Variants in ANO10 observed in about 807,000 individuals in gnomAD.
The protein encoded by ANO10 is anoctamin-10.
In ANO10, 77 loss-of-function variants were observed where a neutral mutation model predicts 74.7. That is an observed-to-expected ratio of 1.03 (90% CI 0.86 to 1.25). ANO10 has a LOEUF of 1.25. Among genes scored for constraint, ANO10 ranks in the 50% most tolerant of loss-of-function variants. ANO10 has a pLI of 0.00. For missense variants in ANO10, 721 were observed against 778.1 expected (o/e 0.93, Z 0.87); for synonymous variants, 279 against 284.9 (o/e 0.98, Z 0.21).
At chr3:43,643,678 C>CTTTTTTTTTTTTTTTTT (rs1310556861) in intron 1 of ANO10, among the ~76,000 whole-genome samples, 7 of 133,620 alleles carry the variant, frequency 5.2e-5, no homozygotes, top group African/African-American at 2.2e-4. Flanking sequence ...TTGTCCTCAT[C>CTTTTTTTTTTTTTTTTT]TTTTCTTTTT....
intron 1 of ANO10, among the ~76,000 whole-genome samples, chr3:43,630,663 A>C (rs1231460023): frequency 1.3e-5 from 2 of 152,222 alleles, no homozygotes; most frequent in African/African-American, 2.4e-5. Context: ...CCCAGAGCAC[A>C]AGTAACTCAT....
intron 1 of ANO10, among the ~76,000 whole-genome samples, chr3:43,631,154 G>A (rs2083543689): frequency 6.6e-6 from 1 of 152,210 alleles, no homozygotes; most frequent in Non-Finnish European, 1.5e-5. Context: ...GCAAATAAAT[G>A]AATTGTCTGC....
rs909432741 is a variant in ANO10 at position 43,659,136 on chromosome 3, T to C, written c.-12+32381A>G. 2.6e-5 allele frequency among the ~76,000 whole-genome samples: 4 copies of C among 152,000 alleles called. No homozygotes were observed. In the South Asian group the frequency reaches 8.4e-4, roughly 32 times the overall value. ...CTCTGGTCTACAGCTCCCAGCGAGATGGGATGCAAAAGACAGGTGATTTCT... is the reference window on the plus strand; with the variant it reads ...CTCTGGTCTACAGCTCCCAGCGAGACGGGATGCAAAAGACAGGTGATTTCT... On this transcript the variant is annotated intron_variant, in intron 1 of 3. Coordinates refer to the ANO10 transcript ENST00000413397.
intron 11 of ANO10, among the ~76,000 whole-genome samples, chr3:43,436,392 C>T (rs909368105): frequency 6.6e-6 from 1 of 152,020 alleles, no homozygotes; most frequent in Non-Finnish European, 1.5e-5. Flanking sequence ...ATTTTATGCA[C>T]CAGAATTGTG....
intron 11 of ANO10, among the ~76,000 whole-genome samples, chr3:43,517,969 C>T (rs919265690): frequency 2.0e-5 from 3 of 152,130 alleles, no homozygotes; most frequent in Non-Finnish European, 4.4e-5. Context: ...ACACTTTGTC[C>T]AGCACCAGTT....
chr3:43,519,289 C>G (rs571401842), intron 11 of ANO10, among the ~76,000 whole-genome samples: 3 of 152,186 alleles, frequency 2.0e-5, no homozygotes, highest in Non-Finnish European at 4.4e-5. Flanking sequence ...TTCCCTTTAG[C>G]TCTTCCATCA....
intron 11 of ANO10, among the ~76,000 whole-genome samples, chr3:43,462,469 A>G (rs6806339): frequency 0.26 from 39,799 of 151,914 alleles, 5,543 homozygotes; most frequent in Middle Eastern, 0.37. Context: ...GACCTCAGGT[A>G]ATCCACCCAC....
At chr3:43,424,502 G>A (rs1327533257) in intron 12 of ANO10, 1 of 152,154 alleles carries the variant, frequency 6.6e-6, no homozygotes, top group Non-Finnish European at 1.5e-5. Context: ...TCTAAGATCG[G>A]TCTTTTAAAA....
chr3:43,372,447 C>A (rs993220563), intron 12 of ANO10, among the ~76,000 whole-genome samples: 10 of 152,204 alleles, frequency 6.6e-5, no homozygotes, highest in Non-Finnish European at 2.9e-5. Flanking sequence ...TACAGTTCAC[C>A]CCTTCTTGTC....
intron 1 of ANO10, among the ~76,000 whole-genome samples, chr3:43,663,906 C>A (rs530634887): frequency 8.5e-4 from 129 of 152,094 alleles, no homozygotes; most frequent in Non-Finnish European, 1.7e-3. Context: ...GGAAAAACAT[C>A]CCATGCTCAT....
chr3:43,495,201 T>A (rs1239693222), intron 11 of ANO10, among the ~76,000 whole-genome samples: 6 of 152,134 alleles, frequency 3.9e-5, no homozygotes, highest in Admixed American at 6.5e-5. Context: ...GTTGGACTCC[T>A]ACTTCAAAAC....
chr3:43,560,042 T>C (rs372146530), intron 9 of ANO10, among the ~76,000 whole-genome samples: 12 of 152,324 alleles, frequency 7.9e-5, no homozygotes, highest in African/African-American at 2.9e-4. Flanking sequence ...CTGTATCCTA[T>C]GGGGAGGAGA....
At chr3:43,397,223 C>A (rs1160856348) in intron 12 of ANO10, among the ~76,000 whole-genome samples, 1 of 152,134 alleles carries the variant, frequency 6.6e-6, no homozygotes. Context: ...GCCACCCTGC[C>A]CAGCCCTGTA....
chr3:43,428,796 CAA>C lies in ANO10; in HGVS notation c.1914+3813_1914+3814del, dbSNP rs56213626. ...CCAAAATCCTGAAACTTTGTGAATG[CAA>C]AAAAAAAAAAAAAAAAAAAAGTCAT... On this transcript the variant is annotated intron_variant, in intron 12 of 12. Transcript: ENST00000292246. 2.7e-3 allele frequency among the ~76,000 whole-genome samples: 149 copies of C among 55,430 alleles called. 1 individual carries two copies. Among genetic ancestry groups the C allele is most frequent in the Middle Eastern group, 0.042 (1 of 24 alleles). The allele number at this position is 55,430 out of a possible 152,430, so 36.4% of individuals were successfully genotyped here.
chr3:43,599,732 C>T (rs1419658179), intron 3 of ANO10, among the ~76,000 whole-genome samples: 2 of 151,754 alleles, frequency 1.3e-5, no homozygotes, highest in East Asian at 1.9e-4. Flanking sequence ...GGTGAAACCC[C>T]GTCTCTATTA....
intron 1 of ANO10, among the ~76,000 whole-genome samples, chr3:43,652,048 A>G (rs1226174565): frequency 6.6e-6 from 1 of 151,702 alleles, no homozygotes; most frequent in Non-Finnish European, 1.5e-5. Flanking sequence ...AGGATTTAAT[A>G]TTGTCAAGAT....
At chr3:43,621,252 A>G (rs564225414) in intron 1 of ANO10, among the ~76,000 whole-genome samples, 1 of 152,280 alleles carries the variant, frequency 6.6e-6, no homozygotes, top group Non-Finnish European at 1.5e-5. Context: ...CGCTGCCTAT[A>G]GGGGAGAACC....
intron 1 of ANO10, among the ~76,000 whole-genome samples, chr3:43,629,696 T>C (rs1164179363): frequency 1.3e-5 from 2 of 152,038 alleles, no homozygotes; most frequent in Non-Finnish European, 2.9e-5. Flanking sequence ...ACATATGAGA[T>C]GTAAAGTATG....
Position 43,561,324 on chromosome 3 carries a change from T to A in ANO10, c.1372A>T (p.Lys458Ter). The A allele has an allele frequency of 6.2e-7, 1 of 1,614,208 alleles. No homozygotes were observed. The highest frequency in any genetic ancestry group is 8.5e-7 in the Non-Finnish European group (1 of 1,180,036). Residue 458 changes from lysine (K) to a stop codon, truncating the protein, a stop_gained, in exon 9 of 13, where the codon AAG becomes TAG. Coordinates refer to ENST00000292246, the MANE Select transcript of ANO10 (RefSeq NM_018075.5). LOFTEE classifies it high-confidence loss of function. ...TTCCTCTTCACCCGCACACCATGCT[T>A]CCTTTGGAGCCAATAAGGAAGAAAA... ...ESFLPYWLQR[K>*]HGVRVKRKVQ...
Sources: allele counts gnomAD v4.1 joint callset (sites outside exome capture counted in the v4.1 genomes callset), GRCh38; gene constraint gnomAD v4.1.1; transcripts MANE v1.5; gene names NCBI Gene and HGNC (gene_info 2026-07-23, HGNC 2026-07-21).